Variants in TAFA1 observed in about 807,000 individuals in gnomAD.
TAFA1 encodes chemokine-like protein TAFA-1.
A neutral mutation model predicts 18.5 loss-of-function variants in TAFA1; 4 were observed. That is an observed-to-expected ratio of 0.22 (90% CI 0.11 to 0.49). The LOEUF (loss-of-function observed/expected upper bound fraction) is 0.49, where lower values mean the gene tolerates loss of function less well. Ranked by LOEUF, TAFA1 falls within the 20% of genes least tolerant of loss-of-function variation. The pLI, the probability that TAFA1 is intolerant of heterozygous loss-of-function variation, is 0.98. For missense variants in TAFA1, 147 were observed against 169.0 expected (o/e 0.87, Z 0.72); for synonymous variants, 56 against 55.2 (o/e 1.01, Z -0.06).
intron 2 of TAFA1, among the ~76,000 whole-genome samples, chr3:68,356,575 C>T (rs1440816412): frequency 1.3e-5 from 2 of 151,864 alleles, no homozygotes; most frequent in Non-Finnish European, 2.9e-5. Flanking sequence ...GTAAGCTAAA[C>T]TCCTTACATG....
At chr3:68,439,412 C>CATATATATATAT (rs57059146) in intron 3 of TAFA1, among the ~76,000 whole-genome samples, 1,572 of 73,202 alleles carry the variant, frequency 0.021, 65 homozygotes, top group African/African-American at 0.035. Context: ...TATATACATA[C>CATATATATATAT]ATATATATAT....
chr3:68,200,351 T>A (rs2066456843), intron 2 of TAFA1, among the ~76,000 whole-genome samples: 1 of 151,670 alleles, frequency 6.6e-6, no homozygotes, highest in Non-Finnish European at 1.5e-5. Flanking sequence ...ACTTATTAAA[T>A]GAGTTAAGAA....
chr3:68,019,728 GA>G (rs1704646270), intron 2 of TAFA1, among the ~76,000 whole-genome samples: 1 of 151,996 alleles, frequency 6.6e-6, no homozygotes, highest in Admixed American at 6.6e-5. Context: ...AATCAGACCT[GA>G]AATTTCCCTT....
rs2065746585 is a variant in TAFA1, at chr3:68,146,808, A to T, written c.118+140064A>T. ...AGAATACACTTGGGGAAAATCCTAC[A>T]GCTAAAATAGCTCATCTAATAACAT... On this transcript the variant is annotated intron_variant, in intron 2 of 4. Transcript: ENST00000478136. 2.0e-5 allele frequency among the ~76,000 whole-genome samples: 3 copies of T among 152,196 alleles called. No individual in the cohort carries two copies. The South Asian group carries it at 6.2e-4, about 31-fold the overall frequency.
intron 2 of TAFA1, among the ~76,000 whole-genome samples, chr3:68,375,230 G>T (rs778384152): frequency 1.3e-5 from 2 of 152,054 alleles, no homozygotes; most frequent in South Asian, 2.1e-4. Context: ...GCTTGCTTTT[G>T]TTAGGAGCAG....
At chr3:68,076,569 G>A (rs1449364823) in intron 2 of TAFA1, among the ~76,000 whole-genome samples, 4 of 151,016 alleles carry the variant, frequency 2.6e-5, no homozygotes, top group South Asian at 2.1e-4. Context: ...TTGGTTTTTT[G>A]TTCTTGTGAT....
chr3:68,037,704 G>C (rs1705081409), intron 2 of TAFA1, among the ~76,000 whole-genome samples: 1 of 152,146 alleles, frequency 6.6e-6, no homozygotes, highest in African/African-American at 2.4e-5. Flanking sequence ...GCAGGGAAGA[G>C]AAACAGTAAG....
chr3:68,475,380 A>T (rs576465688), intron 3 of TAFA1, among the ~76,000 whole-genome samples: 26 of 151,568 alleles, frequency 1.7e-4, no homozygotes, highest in African/African-American at 6.3e-4. Context: ...TCACTGTTCA[A>T]TTCCCACCTA....
chr3:68,089,331 C>T (rs2065006019), intron 2 of TAFA1, among the ~76,000 whole-genome samples: 1 of 152,148 alleles, frequency 6.6e-6, no homozygotes. Context: ...ATAAAATTTT[C>T]AGCACACTGG....
In TAFA1 at chr3:68,216,859, T is replaced by C. The variant is rs531091669; in HGVS notation, c.119-200421T>C. Among the ~76,000 whole-genome samples, 12 of 152,170 alleles carry C rather than the reference T, an allele frequency of 7.9e-5. 1 individual carries two copies. In the South Asian group the frequency reaches 2.3e-3, roughly 29 times the overall value. ...GAGCAACAAAATGAATAAAGTGATA[T>C]GGGATTATAAGCCAAAGTACAAAAT... On this transcript the variant is annotated intron_variant, in intron 2 of 4. Transcript: ENST00000478136.
chr3:68,315,559 G>A (rs901121827), intron 2 of TAFA1, among the ~76,000 whole-genome samples: 3 of 152,084 alleles, frequency 2.0e-5, no homozygotes, highest in Admixed American at 6.6e-5. Context: ...AATCAAAAAT[G>A]TCACTAAAGT....
In TAFA1 at chr3:68,062,059, A is replaced by C. The variant is rs141530328; in HGVS notation, c.118+55315A>C. ...TATGTGGTATTTTATTTTAGATGCT[A>C]TCAGTTGATCTTTTGCTACTACATT... is the stretch of plus-strand genomic sequence containing the variant. On this transcript the variant is annotated intron_variant, in intron 2 of 4. Coordinates refer to ENST00000478136, the MANE Select transcript of TAFA1 (RefSeq NM_213609.4). 3.7e-3 allele frequency among the ~76,000 whole-genome samples: 560 copies of C among 152,312 alleles called. 5 individuals carry two copies. Among genetic ancestry groups the C allele is most frequent in the African/African-American group, 0.013 (524 of 41,558 alleles).
intron 2 of TAFA1, among the ~76,000 whole-genome samples, chr3:68,015,790 A>G (rs1226424307): frequency 6.6e-6 from 1 of 152,286 alleles, no homozygotes; most frequent in Non-Finnish European, 1.5e-5. Context: ...ATGATTTATG[A>G]TATCATATAT....
At chr3:68,413,632 A>G (rs1477181466) in intron 2 of TAFA1, among the ~76,000 whole-genome samples, 1 of 152,194 alleles carries the variant, frequency 6.6e-6, no homozygotes, top group East Asian at 1.9e-4. Flanking sequence ...ACATTGTTGA[A>G]TACATAAAAC....
intron 2 of TAFA1, among the ~76,000 whole-genome samples, chr3:68,162,055 T>C (rs1337100358): frequency 6.6e-6 from 1 of 152,238 alleles, no homozygotes; most frequent in Non-Finnish European, 1.5e-5. Context: ...CTCTACTCTT[T>C]GGCTCTTTAT....
At chr3:68,067,012 G>A (rs139285277) in intron 2 of TAFA1, among the ~76,000 whole-genome samples, 91 of 152,264 alleles carry the variant, frequency 6.0e-4, no homozygotes, top group African/African-American at 2.0e-3. Context: ...AAGACGGCCA[G>A]CTCCATGTAG....
chr3:67,995,140 G>A, the TAFA1 span, among the ~76,000 whole-genome samples: 1 of 152,154 alleles, frequency 6.6e-6, no homozygotes, highest in East Asian at 1.9e-4. Context: ...CCTACCTTGG[G>A]CTAACCTTAA....
intron 3 of TAFA1, among the ~76,000 whole-genome samples, chr3:68,512,417 A>G (rs1025004051): frequency 6.6e-6 from 1 of 151,930 alleles, no homozygotes; most frequent in African/African-American, 2.4e-5. Flanking sequence ...GCTGTCTGCA[A>G]TTTTCTCTAC....
chr3:68,434,065 T>G (rs2071228644), intron 3 of TAFA1, among the ~76,000 whole-genome samples: 2 of 152,268 alleles, frequency 1.3e-5, no homozygotes, highest in African/African-American at 4.8e-5. Context: ...GTCTTGTACT[T>G]GGTGGAACCA....
Sources: gnomAD v4.1 joint callset for allele counts (sites outside exome capture counted in the v4.1 genomes callset) on GRCh38, gnomAD v4.1.1 for gene constraint, MANE v1.5 for transcripts, NCBI Gene and HGNC (gene_info 2026-07-23, HGNC 2026-07-21) for gene names.